The following RPH3A variants were observed in gnomAD, a reference collection of about 807,000 sequenced individuals.
The protein encoded by RPH3A is rabphilin-3A.
Under a neutral mutation model 102.2 loss-of-function variants are expected in RPH3A, and 48 were observed. That is an observed-to-expected ratio of 0.47 (90% confidence interval 0.37 to 0.60). RPH3A has a LOEUF of 0.60. RPH3A is among the 20% of genes least tolerant of loss of function. The probability of loss-of-function intolerance (pLI) is 0.00; values close to 1 mark genes in which losing one functional copy is unlikely to be tolerated. For synonymous variants in RPH3A, 310 were observed against 324.3 expected, an observed-to-expected ratio of 0.96 and a Z score of 0.47; for missense variants, 781 against 910.1, an observed-to-expected ratio of 0.86 and a Z score of 1.83.
At chr12:112,858,741 A>C (rs1473497737) in intron 5 of RPH3A, among the ~76,000 whole-genome samples, 4 of 152,182 alleles carry the variant, frequency 2.6e-5, no homozygotes. Flanking sequence ...TTGTCAAGTG[A>C]GTGAATAGCC....
chr12:112,597,874 C>T (rs1428879233), intron 1 of RPH3A, among the ~76,000 whole-genome samples: 2 of 152,122 alleles, frequency 1.3e-5, no homozygotes, highest in African/African-American at 4.8e-5. Context: ...AAAGAGGATT[C>T]CTAGACCTAT....
chr12:112,895,889 T>C lies in RPH3A; in HGVS notation c.1954+16T>C. 1 of 1,586,920 alleles carries C rather than the reference T, an allele frequency of 6.3e-7. No individual in the cohort carries two copies. The highest frequency in any genetic ancestry group is 8.6e-7 in the Non-Finnish European group (1 of 1,156,432). On this transcript the variant is annotated intron_variant, in intron 21 of 21. Coordinates refer to ENST00000389385, the MANE Select transcript of RPH3A (RefSeq NM_001143854.2). ...GATTACATCGGTGAGTGTTCCTAAC[T>C]CCAGAGAAAACGCCCTCTTCTGTCC...
intron 1 of RPH3A, among the ~76,000 whole-genome samples, chr12:112,630,958 A>C (rs2039799596): frequency 6.6e-6 from 1 of 152,148 alleles, no homozygotes; most frequent in South Asian, 2.1e-4. Context: ...AGCTTAATTA[A>C]GGGTTAGATG....
At chr12:112,893,346 T>C (rs1344910340) in intron 19 of RPH3A, 1 of 152,232 alleles carries the variant, frequency 6.6e-6, no homozygotes, top group African/African-American at 2.4e-5. Context: ...TAGATGAGAA[T>C]GAAATGTTCG....
chr12:112,895,550 G>A, intron 20 of RPH3A: 1 of 453,828 alleles, frequency 2.2e-6, no homozygotes, highest in South Asian at 4.9e-5. Context: ...ATTTCAAGCA[G>A]AGAATTCACT....
At chr12:112,773,962 A>G (rs1355197076) in intron 1 of RPH3A, among the ~76,000 whole-genome samples, 1 of 151,044 alleles carries the variant, frequency 6.6e-6, no homozygotes, top group Non-Finnish European at 1.5e-5. Context: ...CATGCCTGTA[A>G]TCCCAGCTAC....
At chr12:112,616,101 C>T (rs1272971385) in intron 1 of RPH3A, among the ~76,000 whole-genome samples, 2 of 152,120 alleles carry the variant, frequency 1.3e-5, no homozygotes, top group East Asian at 3.8e-4. Context: ...TCCTCAGAGC[C>T]CTGCCGAGCA....
intron 2 of RPH3A, among the ~76,000 whole-genome samples, chr12:112,806,290 G>A (rs116611575): frequency 0.011 from 1,741 of 152,332 alleles, 26 homozygotes; most frequent in African/African-American, 0.04. Flanking sequence ...AGCACATTGG[G>A]AGAAAAGAGA....
intron 6 of RPH3A, among the ~76,000 whole-genome samples, chr12:112,866,550 C>T (rs1207950503): frequency 6.6e-6 from 1 of 152,282 alleles, no homozygotes; most frequent in East Asian, 1.9e-4. Context: ...ATTCCTTCAT[C>T]CAGTGCTTGG....
At chr12:112,648,853 T>C in intron 1 of RPH3A, among the ~76,000 whole-genome samples, 1 of 151,972 alleles carries the variant, frequency 6.6e-6, no homozygotes, top group South Asian at 2.1e-4. Flanking sequence ...AGAGTCTCAC[T>C]CTGTCACCCA....
intron 1 of RPH3A, among the ~76,000 whole-genome samples, chr12:112,614,396 T>C (rs1487362813): frequency 6.6e-6 from 1 of 151,504 alleles, no homozygotes; most frequent in African/African-American, 2.4e-5. Context: ...ATAAGATCCT[T>C]TGTGGGGCTG....
chr12:112,789,941 C>A (rs974292665), upstream of RPH3A, among the ~76,000 whole-genome samples: 2 of 151,712 alleles, frequency 1.3e-5, no homozygotes, highest in Non-Finnish European at 2.9e-5. Flanking sequence ...CACCTTGAGT[C>A]CTAGCTACTG....
At chr12:112,681,790 C>A (rs2040227862) in intron 1 of RPH3A, among the ~76,000 whole-genome samples, 1 of 152,188 alleles carries the variant, frequency 6.6e-6, no homozygotes, top group African/African-American at 2.4e-5. Context: ...CTGACTTGGG[C>A]AAGCAGATAA....
At chr12:112,616,913 T>G (rs2039684445) in intron 1 of RPH3A, among the ~76,000 whole-genome samples, 1 of 152,204 alleles carries the variant, frequency 6.6e-6, no homozygotes, top group African/African-American at 2.4e-5. Flanking sequence ...GAGAACAGAC[T>G]TTATCGAGAG....
At chr12:112,578,828 A>T (rs989179018) in intron 1 of RPH3A, among the ~76,000 whole-genome samples, 4 of 152,288 alleles carry the variant, frequency 2.6e-5, no homozygotes, top group Non-Finnish European at 4.4e-5. Flanking sequence ...TTGGGAACAC[A>T]TGCTCCATCT....
intron 1 of RPH3A, among the ~76,000 whole-genome samples, chr12:112,699,655 GGATGATAGAAACAC>G (rs764581317): frequency 7.9e-5 from 12 of 152,158 alleles, no homozygotes; most frequent in Non-Finnish European, 1.6e-4. Flanking sequence ...GAACTTGTGG[GGATGATAGAAACAC>G]GTTCTCTTTC....
intron 2 of RPH3A, among the ~76,000 whole-genome samples, chr12:112,801,651 C>T (rs1357932026): frequency 6.6e-6 from 1 of 152,108 alleles, no homozygotes; most frequent in Non-Finnish European, 1.5e-5. Context: ...GACTCTTGGG[C>T]TTTGTAGATT....
intron 1 of RPH3A, among the ~76,000 whole-genome samples, chr12:112,662,581 G>T (rs972946266): frequency 6.6e-6 from 1 of 152,214 alleles, no homozygotes; most frequent in Non-Finnish European, 1.5e-5. Flanking sequence ...GAAGGGGCCA[G>T]TTAGCAATTA....
chr12:112,697,652 G>T (rs183456034), intron 1 of RPH3A, among the ~76,000 whole-genome samples: 2 of 152,240 alleles, frequency 1.3e-5, no homozygotes, highest in African/African-American at 2.4e-5. Context: ...ATCACTCGAG[G>T]TCAGGGGTTG....
Sources: gnomAD v4.1 joint callset for allele counts (sites outside exome capture counted in the v4.1 genomes callset) on GRCh38, gnomAD v4.1.1 for gene constraint, MANE v1.5 for transcripts, NCBI Gene and HGNC (gene_info 2026-07-23, HGNC 2026-07-21) for gene names.